Variants in KCNN2 observed in about 807,000 individuals in gnomAD.
KCNN2 encodes the protein small conductance calcium-activated potassium channel protein 2.
In KCNN2, 24 loss-of-function variants were observed where a neutral mutation model predicts 55.5. The observed-to-expected ratio is 0.43, with a 90% confidence interval of 0.31 to 0.61. The LOEUF (loss-of-function observed/expected upper bound fraction) is 0.61. Among genes scored for constraint, KCNN2 ranks in the 20% least tolerant of loss-of-function variants. The pLI, the probability that KCNN2 is intolerant of heterozygous loss-of-function variation, is 0.08. For missense variants in KCNN2, 754 were observed against 853.6 expected (o/e 0.88, Z 1.45); for synonymous variants, 431 against 336.1 (o/e 1.28, Z -3.09).
At chr5:114,091,608 G>C (rs551781387) in intron 1 of KCNN2, among the ~76,000 whole-genome samples, 1 of 152,222 alleles carries the variant, frequency 6.6e-6, no homozygotes, top group African/African-American at 2.4e-5. Flanking sequence ...CTGCTGTAAA[G>C]AACTGTTCAA....
At chr5:114,114,640 G>C (rs986457716) in intron 1 of KCNN2, among the ~76,000 whole-genome samples, 2 of 152,088 alleles carry the variant, frequency 1.3e-5, no homozygotes, top group Non-Finnish European at 2.9e-5. Context: ...AAAATGGAGT[G>C]ATTGTACAGT....
intron 3 of KCNN2, among the ~76,000 whole-genome samples, chr5:114,409,347 T>G (rs1280017404): frequency 6.6e-6 from 1 of 152,204 alleles, no homozygotes; most frequent in African/African-American, 2.4e-5. Flanking sequence ...AAAAATTGTT[T>G]TTCCGTAAAT....
chr5:114,263,228 T>G (rs1755145251), intron 2 of KCNN2, among the ~76,000 whole-genome samples: 1 of 152,062 alleles, frequency 6.6e-6, no homozygotes, highest in Non-Finnish European at 1.5e-5. Flanking sequence ...GATGTGTGCA[T>G]GGGGTAGGGG....
chr5:114,363,434 G>A (rs931969764), intron 1 of KCNN2, among the ~76,000 whole-genome samples, 173 bp downstream of exon 1: 1 of 152,208 alleles, frequency 6.6e-6, no homozygotes, highest in Admixed American at 6.5e-5. Flanking sequence ...TAAACAACTC[G>A]GAGATGAACC....
In KCNN2 at chr5:114,323,649, A is replaced by ATTTTTTTTTTTTTTTTTTTTTTTTTT. The variant is rs6149185; in HGVS notation, c.-184-37278_-184-37277insTTTTTTTTTTTTTTTTTTTTTTTTTT. Among the ~76,000 whole-genome samples, 246 of 85,258 alleles carry ATTTTTTTTTTTTTTTTTTTTTTTTTT rather than the reference A, an allele frequency of 2.9e-3. 52 individuals carry two copies. The highest frequency in any genetic ancestry group is 3.8e-3 in the Non-Finnish European group (166 of 44,016). 55.9% of individuals were successfully genotyped at this position (85,258 alleles called of 152,430 possible). ...TAAGTATCATGATATAAACATATCA[A>ATTTTTTTTTTTTTTTTTTTTTTTTTT]TTTTTTTTTTTTTTTTTTGCTGGTC... On this transcript the variant is annotated intron_variant, in intron 2 of 10. Coordinates refer to the KCNN2 transcript ENST00000512097.
intron 2 of KCNN2, among the ~76,000 whole-genome samples, chr5:114,342,140 A>G (rs555813190): frequency 1.7e-4 from 26 of 152,146 alleles, no homozygotes; most frequent in South Asian, 4.2e-4. Flanking sequence ...TGACCTCGTG[A>G]TCCACCCGCC....
chr5:114,385,921 G>A (rs375920871), intron 2 of KCNN2, among the ~76,000 whole-genome samples: 56 of 151,882 alleles, frequency 3.7e-4, no homozygotes, highest in African/African-American at 1.4e-3. Flanking sequence ...GTTCACACCT[G>A]TAATCCCAAC....
At chr5:114,164,318 C>G (rs1335939916) in intron 1 of KCNN2, among the ~76,000 whole-genome samples, 1 of 152,000 alleles carries the variant, frequency 6.6e-6, no homozygotes, top group Non-Finnish European at 1.5e-5. Flanking sequence ...ATTAATATAT[C>G]CTTTAACTGA....
At chr5:114,279,749 G>T (rs569055196) in intron 2 of KCNN2, among the ~76,000 whole-genome samples, 2 of 151,518 alleles carry the variant, frequency 1.3e-5, no homozygotes, top group South Asian at 2.1e-4. Context: ...GAATAGTGCC[G>T]CAATAAACAT....
intron 1 of KCNN2, among the ~76,000 whole-genome samples, chr5:114,130,460 A>T (rs1241090318): frequency 6.6e-6 from 1 of 152,156 alleles, no homozygotes; most frequent in Non-Finnish European, 1.5e-5. Flanking sequence ...CTTCAATAGG[A>T]TCCAGATTTC....
intron 2 of KCNN2, among the ~76,000 whole-genome samples, chr5:114,329,450 T>C (rs780531435): frequency 5.3e-5 from 8 of 152,188 alleles, no homozygotes; most frequent in Admixed American, 5.2e-4. Context: ...TCTTACAGCC[T>C]TCATCTTTCT....
chr5:114,358,116 A>C (rs953868638), upstream of KCNN2, among the ~76,000 whole-genome samples: 2 of 151,904 alleles, frequency 1.3e-5, no homozygotes, highest in African/African-American at 4.8e-5. Flanking sequence ...CAGCCAAAAA[A>C]CACATGACTA....
intron 2 of KCNN2, among the ~76,000 whole-genome samples, chr5:114,367,829 A>G (rs936327995): frequency 6.6e-6 from 1 of 152,192 alleles, no homozygotes; most frequent in Admixed American, 6.5e-5. Context: ...GTAATTTTAG[A>G]TGAAAGAGTT....
intron 2 of KCNN2, among the ~76,000 whole-genome samples, chr5:114,326,994 G>A (rs571924018): frequency 6.6e-6 from 1 of 152,262 alleles, no homozygotes; most frequent in South Asian, 2.1e-4. Flanking sequence ...TGTTCAAAAA[G>A]CAGACAGATT....
intron 5 of KCNN2, 66 bp from the exon 6 acceptor site, chr5:114,486,984 C>A (rs756980841): frequency 6.4e-7 from 1 of 1,573,272 alleles, no homozygotes; most frequent in Non-Finnish European, 8.7e-7. Flanking sequence ...AGACTATGAC[C>A]CCCAGCAAAG....
At chr5:114,321,775 T>G (rs867008456) in intron 2 of KCNN2, among the ~76,000 whole-genome samples, 3 of 152,252 alleles carry the variant, frequency 2.0e-5, no homozygotes, top group East Asian at 1.9e-4. Context: ...GCTCAAGTGA[T>G]TCTCCTGCCT....
intron 3 of KCNN2, among the ~76,000 whole-genome samples, chr5:114,455,060 A>T (rs992824482): frequency 1.3e-5 from 2 of 151,316 alleles, no homozygotes. Flanking sequence ...TTATTGAGTT[A>T]TCAGCTATTC....
intron 1 of KCNN2, among the ~76,000 whole-genome samples, chr5:114,142,011 T>A (rs943606729): frequency 2.6e-5 from 4 of 152,130 alleles, no homozygotes; most frequent in African/African-American, 7.2e-5. Context: ...GTTTGAGTTC[T>A]TTGTAGATTC....
chr5:114,454,399 C>A (rs1302679224), intron 3 of KCNN2, among the ~76,000 whole-genome samples: 1 of 152,252 alleles, frequency 6.6e-6, no homozygotes, highest in Non-Finnish European at 1.5e-5. Context: ...CAGTTGGAAG[C>A]TCGGTAAGGG....
Sources: gnomAD v4.1 joint callset for allele counts (sites outside exome capture counted in the v4.1 genomes callset) on GRCh38, gnomAD v4.1.1 for gene constraint, MANE v1.5 for transcripts, NCBI Gene and HGNC (gene_info 2026-07-23, HGNC 2026-07-21) for gene names.